CPNE4: variants seen among roughly 807,000 people sequenced by gnomAD.
The protein encoded by CPNE4 is copine-4.
Under a neutral mutation model 67.9 loss-of-function variants are expected in CPNE4, and 25 were observed. The observed-to-expected ratio is 0.37, with a 90% CI of 0.27 to 0.51. The LOEUF (loss-of-function observed/expected upper bound fraction) is 0.51. Among genes scored for constraint, CPNE4 ranks in the 20% least tolerant of loss-of-function variants. The pLI, the probability that CPNE4 is intolerant of heterozygous loss-of-function variation, is 0.93. For synonymous variants in CPNE4, 242 were observed against 244.9 expected (o/e 0.99, Z 0.11); for missense variants, 464 against 690.8 (o/e 0.67, Z 3.68).
Position 131,713,648 on chromosome 3 carries a change from G to C in CPNE4, c.360+9798C>G, listed in dbSNP as rs370612527. On this transcript the variant is annotated intron_variant, in intron 3 of 15. Transcript: ENST00000429747. ...ACTGCCCAAGGCCATACAGAGAGTT[G>C]ATGGCAGATCAAGACATAGGACTCA... 1.7e-4 allele frequency among the ~76,000 whole-genome samples: 26 copies of C among 152,212 alleles called. No homozygotes were observed. The Middle Eastern group carries it at 0.01, about 60-fold the overall frequency.
At chr3:131,535,806 G>C (rs1208599778) in intron 15 of CPNE4, among the ~76,000 whole-genome samples, 1 of 152,170 alleles carries the variant, frequency 6.6e-6, no homozygotes, top group Non-Finnish European at 1.5e-5. Flanking sequence ...TAGCAATGTA[G>C]ACTCAGACCC....
intron 1 of CPNE4, among the ~76,000 whole-genome samples, chr3:131,907,888 T>C (rs1316860473): frequency 6.6e-6 from 1 of 151,954 alleles, no homozygotes; most frequent in Admixed American, 6.6e-5. Context: ...GTTGGGAAAT[T>C]AGTTTTAGGA....
intron 2 of CPNE4, among the ~76,000 whole-genome samples, chr3:131,742,668 C>T (rs1194137315): frequency 6.6e-6 from 1 of 152,040 alleles, no homozygotes; most frequent in Non-Finnish European, 1.5e-5. Flanking sequence ...AAACCAGACA[C>T]ATCCTCTGAA....
chr3:131,580,310 G>A (rs1009788241), intron 9 of CPNE4, among the ~76,000 whole-genome samples: 1 of 151,964 alleles, frequency 6.6e-6, no homozygotes, highest in Non-Finnish European at 1.5e-5. Flanking sequence ...TATATGCACT[G>A]GGAAATGAAA....
At chr3:131,994,169 A>G (rs2073235740) in intron 1 of CPNE4, among the ~76,000 whole-genome samples, 1 of 136,524 alleles carries the variant, frequency 7.3e-6, no homozygotes. Flanking sequence ...ATATGCTGTA[A>G]AAACTACTAA....
chr3:131,799,925 G>GTGTGTGT (rs1560339646), intron 2 of CPNE4, among the ~76,000 whole-genome samples: 9 of 67,508 alleles, frequency 1.3e-4, no homozygotes, highest in Admixed American at 4.5e-4. Context: ...TGTGTTGTGT[G>GTGTGTGT]TGTGTGTGTG....
intron 7 of CPNE4, among the ~76,000 whole-genome samples, chr3:131,598,058 A>G (rs1236952819): frequency 6.6e-6 from 1 of 152,228 alleles, no homozygotes; most frequent in African/African-American, 2.4e-5. Flanking sequence ...AATTGAACTG[A>G]ATAATATGCT....
rs201103920 is a variant in CPNE4 at position 131,906,245 on chromosome 3, TTG to T, written c.-1-803_-1-802del. 5.5e-3 allele frequency among the ~76,000 whole-genome samples: 839 copies of T among 152,054 alleles called. 8 individuals are homozygous for T. Among genetic ancestry groups the T allele is most frequent in the African/African-American group, 0.019 (771 of 41,418 alleles). ...TGTTTTGTTTTGTTTTATTTTGTTT[TTG>T]TTTTTTTGTTTTATTATTATTATAC... is the stretch of plus-strand genomic sequence containing the variant. On this transcript the variant is annotated intron_variant, in intron 1 of 15. Coordinates refer to ENST00000429747, the MANE Select transcript of CPNE4 (RefSeq NM_130808.3).
chr3:131,695,625 G>GGAGAAGGAGCATAACAGTTGT (rs1560130035), intron 5 of CPNE4, among the ~76,000 whole-genome samples: 1 of 152,052 alleles, frequency 6.6e-6, no homozygotes, highest in Non-Finnish European at 1.5e-5. Flanking sequence ...AGATGATGAA[G>GGAGAAGGAGCATAACAGTTGT]GAGAAGGAGC....
rs77456858 is a variant in CPNE4 at position 131,858,696 on chromosome 3, G to A, written c.180+46568C>T. Among the ~76,000 whole-genome samples the A allele has an allele frequency of 2.8e-3, 425 of 152,232 alleles. 4 individuals carry two copies. Among genetic ancestry groups the A allele is most frequent in the Admixed American group, 0.019 (286 of 15,278 alleles). ...AAGGTTATGGCAACTTAAATACTAT[G>A]AGTGCCTAAACCATTACATAGTGGC... is the stretch of plus-strand genomic sequence containing the variant. On this transcript the variant is annotated intron_variant, in intron 2 of 15. Coordinates refer to ENST00000429747, the MANE Select transcript of CPNE4 (RefSeq NM_130808.3).
intron 7 of CPNE4, among the ~76,000 whole-genome samples, chr3:131,668,806 G>T (rs1379368785): frequency 6.6e-6 from 1 of 152,138 alleles, no homozygotes; most frequent in Non-Finnish European, 1.5e-5. Context: ...TCAGCCTACT[G>T]TCTTCCTTTG....
At chr3:132,014,666 T>C (rs922642231) in intron 1 of CPNE4, among the ~76,000 whole-genome samples, 2 of 152,220 alleles carry the variant, frequency 1.3e-5, no homozygotes, top group African/African-American at 4.8e-5. Flanking sequence ...TAATTATAGT[T>C]TTAATTGCAT....
At chr3:131,972,625 A>G (rs1275632778) in intron 1 of CPNE4, among the ~76,000 whole-genome samples, 1 of 152,160 alleles carries the variant, frequency 6.6e-6, no homozygotes, top group Non-Finnish European at 1.5e-5. Flanking sequence ...CCTACAGCTC[A>G]CAACAGGACC....
chr3:131,893,404 ATG>A (rs1353350712), intron 2 of CPNE4, among the ~76,000 whole-genome samples: 1 of 152,032 alleles, frequency 6.6e-6, no homozygotes, highest in Non-Finnish European at 1.5e-5. Flanking sequence ...ACTTTCAATA[ATG>A]TACAGGTCAT....
intron 14 of CPNE4, chr3:131,543,092 C>G: frequency 3.4e-6 from 1 of 294,896 alleles, no homozygotes; most frequent in Non-Finnish European, 6.3e-6. Context: ...TCTGTGAGAC[C>G]CTGGGACGAT....
chr3:131,794,327 C>T (rs55634944), intron 2 of CPNE4, among the ~76,000 whole-genome samples: 36 of 151,926 alleles, frequency 2.4e-4, no homozygotes, highest in African/African-American at 8.0e-4. Context: ...AACCTGCAAC[C>T]TCCTCCTCCT....
intron 2 of CPNE4, among the ~76,000 whole-genome samples, chr3:131,786,958 C>T (rs1016638154): frequency 6.6e-6 from 1 of 152,112 alleles, no homozygotes; most frequent in Non-Finnish European, 1.5e-5. Flanking sequence ...AGCACATGCT[C>T]TCTCTGACTG....
intron 2 of CPNE4, among the ~76,000 whole-genome samples, chr3:131,771,892 T>A (rs2083175630): frequency 6.6e-6 from 1 of 152,134 alleles, no homozygotes; most frequent in South Asian, 2.1e-4. Flanking sequence ...GCTGGGTTTT[T>A]AATTTTTTTT....
chr3:131,785,788 G>A (rs1036601512), intron 2 of CPNE4, among the ~76,000 whole-genome samples: 1 of 151,706 alleles, frequency 6.6e-6, no homozygotes, highest in African/African-American at 2.4e-5. Context: ...GGGTGCTCAG[G>A]GTTTGGAGGT....
Sources: gnomAD v4.1 joint callset for allele counts (sites outside exome capture counted in the v4.1 genomes callset) on GRCh38, gnomAD v4.1.1 for gene constraint, MANE v1.5 for transcripts, NCBI Gene and HGNC (gene_info 2026-07-23, HGNC 2026-07-21) for gene names.